SRGAP3: variants seen among roughly 807,000 people sequenced by gnomAD.
SRGAP3 encodes the protein SLIT-ROBO Rho GTPase activating protein 3.
Under a neutral mutation model 121.1 loss-of-function variants are expected in SRGAP3, and 39 were observed. That is an observed-to-expected ratio of 0.32 (90% CI 0.25 to 0.42). The LOEUF is 0.42. SRGAP3 is among the 10% of genes least tolerant of loss of function. The probability of loss-of-function intolerance (pLI) is 1.00; values close to 1 mark genes in which losing one functional copy is unlikely to be tolerated. For missense variants in SRGAP3, 1,213 were observed against 1,470.6 expected (o/e 0.82, Z 2.86); for synonymous variants, 601 against 570.0 (o/e 1.05, Z -0.77).
At chr3:9,334,684 G>C (rs1955662422) in intron 1 of SRGAP3, among the ~76,000 whole-genome samples, 1 of 152,146 alleles carries the variant, frequency 6.6e-6, no homozygotes, top group African/African-American at 2.4e-5. Flanking sequence ...ACAGAGTTTG[G>C]CCTTGGTGAC....
intron 1 of SRGAP3, among the ~76,000 whole-genome samples, chr3:9,132,809 C>T (rs1377103353): frequency 1.3e-5 from 2 of 150,508 alleles, no homozygotes; most frequent in South Asian, 2.1e-4. Flanking sequence ...TTTAGGCTTA[C>T]TGAAAAAAAG....
At position 8,994,537 on chromosome 3, in the gene SRGAP3, A is replaced by C. The variant is rs1423654878; in HGVS notation, c.2228-14T>G. ...TCTGCTCCACTTCTGGAAGGAAATC[A>C]AGGGAAAAAGCGTCTCTGAGGTCAG... On this transcript the variant is annotated splice_polypyrimidine_tract_variant and intron_variant, in intron 18 of 21. Transcript: ENST00000383836. 6.2e-7 allele frequency: 1 copy of C among 1,612,264 alleles called. No homozygotes were observed. Among genetic ancestry groups the C allele is most frequent in the East Asian group, 2.2e-5 (1 of 44,886 alleles).
intron 1 of SRGAP3, among the ~76,000 whole-genome samples, chr3:9,345,863 T>C (rs1216348215): frequency 1.3e-5 from 2 of 150,918 alleles, no homozygotes; most frequent in African/African-American, 4.9e-5. Flanking sequence ...GAAACAAGAC[T>C]GTCATAGTAA....
At chr3:9,147,720 G>A (rs1266453713) in intron 1 of SRGAP3, among the ~76,000 whole-genome samples, 1 of 152,212 alleles carries the variant, frequency 6.6e-6, no homozygotes, top group Non-Finnish European at 1.5e-5. Context: ...TTGCTCTGCG[G>A]GAATTGGATG....
At chr3:9,145,570 G>T (rs887803784) in intron 1 of SRGAP3, among the ~76,000 whole-genome samples, 1 of 152,100 alleles carries the variant, frequency 6.6e-6, no homozygotes, top group Non-Finnish European at 1.5e-5. Context: ...ACATTTATTA[G>T]CATCTGCCAG....
rs116617797 is a variant in SRGAP3 at position 9,114,455 on chromosome 3, C to A, written c.261-9613G>T. 3.9e-4 allele frequency among the ~76,000 whole-genome samples: 59 copies of A among 152,298 alleles called. 1 individual carries two copies. Among genetic ancestry groups the A allele is most frequent in the African/African-American group, 1.3e-3 (54 of 41,566 alleles). On this transcript the variant is annotated intron_variant, in intron 2 of 21. Coordinates refer to ENST00000383836, the MANE Select transcript of SRGAP3 (RefSeq NM_014850.4). The stretch of plus-strand genomic sequence containing the variant: ...CCTCCATTACTACTTTCTCCTTCTG[C>A]AGACTGTTATGTGAACTTCAATGCT...
intron 2 of SRGAP3, among the ~76,000 whole-genome samples, chr3:9,120,762 G>A (rs767915267): frequency 6.6e-6 from 1 of 152,212 alleles, no homozygotes; most frequent in East Asian, 1.9e-4. Context: ...AATTGGATAT[G>A]TGTTGTAGAA....
chr3:9,287,080 C>T (rs1391314086), intron 3 of SRGAP3, among the ~76,000 whole-genome samples: 4 of 148,062 alleles, frequency 2.7e-5, no homozygotes, highest in African/African-American at 7.4e-5. Flanking sequence ...CAGCCTCGAC[C>T]TCCTGGGCTC....
chr3:9,085,802 C>A (rs766102245), intron 3 of SRGAP3, among the ~76,000 whole-genome samples: 101 of 152,124 alleles, frequency 6.6e-4, no homozygotes, highest in Non-Finnish European at 1.1e-3. Flanking sequence ...CACACTGGGG[C>A]CTATCGGAGG....
At chr3:9,086,654 A>G (rs572841434) in intron 3 of SRGAP3, among the ~76,000 whole-genome samples, 1 of 140,488 alleles carries the variant, frequency 7.1e-6, no homozygotes, top group Admixed American at 7.2e-5. Flanking sequence ...TACATATATG[A>G]AATACATATT....
At chr3:9,207,973 C>A (rs1308643265) in intron 1 of SRGAP3, among the ~76,000 whole-genome samples, 1 of 152,176 alleles carries the variant, frequency 6.6e-6, no homozygotes, top group Non-Finnish European at 1.5e-5. Flanking sequence ...GCTCCTTCTG[C>A]TCTGTTACCT....
intron 4 of SRGAP3, among the ~76,000 whole-genome samples, 192 bp from the exon 5 acceptor site, chr3:9,064,773 T>C (rs115393377): frequency 0.017 from 2,580 of 151,878 alleles, 81 homozygotes; most frequent in African/African-American, 0.059. Flanking sequence ...ATGATGGTCA[T>C]TACCATCACC....
upstream of SRGAP3, among the ~76,000 whole-genome samples, chr3:9,250,051 G>T (rs969711093): frequency 1.3e-5 from 2 of 152,168 alleles, no homozygotes; most frequent in Admixed American, 6.5e-5. Context: ...TGGCAGAGAC[G>T]ATGCGAGGAG....
intron 1 of SRGAP3, among the ~76,000 whole-genome samples, chr3:9,216,467 C>A (rs1269728331): frequency 6.8e-6 from 1 of 147,684 alleles, no homozygotes; most frequent in African/African-American, 2.5e-5. Flanking sequence ...CGTATCGTTT[C>A]TCTGAACCGT....
At chr3:9,335,875 T>A (rs1036440654) in intron 1 of SRGAP3, among the ~76,000 whole-genome samples, 3 of 152,148 alleles carry the variant, frequency 2.0e-5, no homozygotes, top group Non-Finnish European at 2.9e-5. Context: ...TATTATTATT[T>A]TTTTTAGTCA....
At chr3:9,032,519 A>C in intron 12 of SRGAP3, 131 bp downstream of exon 12, 1 of 821,734 alleles carries the variant, frequency 1.2e-6, no homozygotes, top group South Asian at 1.4e-5. Flanking sequence ...AGCTAAGAGC[A>C]GGCTGCAGTG....
At chr3:9,325,709 A>C (rs1955506171) in intron 3 of SRGAP3, among the ~76,000 whole-genome samples, 1 of 151,948 alleles carries the variant, frequency 6.6e-6, no homozygotes, top group East Asian at 1.9e-4. Context: ...TTATGAGGCA[A>C]CGTATGTACC....
At chr3:9,260,261 T>A (rs1954226492) in intron 3 of SRGAP3, among the ~76,000 whole-genome samples, 1 of 152,142 alleles carries the variant, frequency 6.6e-6, no homozygotes, top group Non-Finnish European at 1.5e-5. Context: ...AGGAGTTTTT[T>A]TCGTACCCCA....
At position 9,145,574 on chromosome 3, in the gene SRGAP3, C is replaced by A. The variant is rs575566084; in HGVS notation, c.68-20657G>T. Among the ~76,000 whole-genome samples, 3 of 152,326 alleles carry A rather than the reference C, an allele frequency of 2.0e-5. No individual in the cohort carries two copies. The East Asian group carries it at 5.8e-4, about 29-fold the overall frequency. Reference sequence around the variant, plus strand: ...AGATTCATACAACATTTATTAGCATCTGCCAGGCTCTGTGCTAGGAAAAGA... The same window carrying A: ...AGATTCATACAACATTTATTAGCATATGCCAGGCTCTGTGCTAGGAAAAGA... On this transcript the variant is annotated intron_variant, in intron 1 of 21. Transcript: ENST00000383836.
Sources: allele counts gnomAD v4.1 joint callset (sites outside exome capture counted in the v4.1 genomes callset), GRCh38; gene constraint gnomAD v4.1.1; transcripts MANE v1.5; gene names NCBI Gene and HGNC (gene_info 2026-07-23, HGNC 2026-07-21).